The following FRMD3 variants were observed in gnomAD, a reference collection of about 807,000 sequenced individuals.
FRMD3 encodes the protein FERM domain-containing protein 3.
A neutral mutation model predicts 70.2 loss-of-function variants in FRMD3; 33 were observed. The ratio of observed to expected loss-of-function variants is 0.47; its 90% confidence interval spans 0.36 to 0.63. FRMD3 has a LOEUF of 0.63. Among genes scored for constraint, FRMD3 ranks in the 20% least tolerant of loss-of-function variants. The pLI is 0.00. For missense variants in FRMD3, 632 were observed against 711.4 expected, an observed-to-expected ratio of 0.89 and a Z score of 1.27; for synonymous variants, 279 against 255.9, an observed-to-expected ratio of 1.09 and a Z score of -0.86.
intron 1 of FRMD3, among the ~76,000 whole-genome samples, chr9:83,499,908 T>C (rs556646187): frequency 2.0e-4 from 30 of 152,304 alleles, no homozygotes; most frequent in Non-Finnish European, 3.7e-4. Flanking sequence ...CAATGGAATA[T>C]TGTTCAGCAA....
chr9:83,449,769 C>T (rs536318484), intron 1 of FRMD3, among the ~76,000 whole-genome samples: 1 of 152,276 alleles, frequency 6.6e-6, no homozygotes, highest in East Asian at 1.9e-4. Context: ...ATCTCAGAAG[C>T]TCCTATGAAG....
At chr9:83,367,801 G>A (rs979590686) in intron 3 of FRMD3, among the ~76,000 whole-genome samples, 6 of 152,112 alleles carry the variant, frequency 3.9e-5, no homozygotes, top group African/African-American at 1.4e-4. Context: ...GGCTTTTGAG[G>A]AAGAGATCTA....
chr9:83,513,382 A>T (rs1829383139), intron 1 of FRMD3, among the ~76,000 whole-genome samples: 1 of 152,212 alleles, frequency 6.6e-6, no homozygotes, highest in East Asian at 1.9e-4. Context: ...TAGGAAGATG[A>T]TTTACTTTTC....
chr9:83,522,828 G>A (rs1464713901), intron 1 of FRMD3, among the ~76,000 whole-genome samples: 3 of 152,074 alleles, frequency 2.0e-5, no homozygotes, highest in Admixed American at 1.3e-4. Flanking sequence ...CTCCCAAAGC[G>A]CTGGGATTAC....
chr9:83,361,546 T>C (rs1824585313), intron 3 of FRMD3, among the ~76,000 whole-genome samples: 1 of 151,964 alleles, frequency 6.6e-6, no homozygotes, highest in Non-Finnish European at 1.5e-5. Flanking sequence ...CAGAACAACA[T>C]ACACAAAGGG....
intron 13 of FRMD3, among the ~76,000 whole-genome samples, chr9:83,277,367 A>G (rs568227161): frequency 1.3e-5 from 2 of 152,174 alleles, no homozygotes; most frequent in African/African-American, 2.4e-5. Flanking sequence ...TACAATGACT[A>G]TGGTATTTTT....
intron 13 of FRMD3, among the ~76,000 whole-genome samples, chr9:83,273,327 T>C (rs1833675964): frequency 6.6e-6 from 1 of 151,326 alleles, no homozygotes; most frequent in South Asian, 2.1e-4. Context: ...ATCTATAACC[T>C]TACCCCCAAC....
rs373657524 is a variant in FRMD3, at chr9:83,372,446, T to C, written c.295+467A>G. Among the ~76,000 whole-genome samples the C allele has an allele frequency of 1.4e-4, 21 of 152,110 alleles. No individual in the cohort carries two copies. The South Asian group carries it at 3.5e-3, about 26-fold the overall frequency. On this transcript the variant is annotated intron_variant, in intron 3 of 13. Transcript: ENST00000304195. ...CTAGAAGAAAAAATTGTTTTTCATT[T>C]TGGGGAGTTCAAGGAATGGAAAATA...
At chr9:83,284,376 G>A (rs537623445) in intron 13 of FRMD3, among the ~76,000 whole-genome samples, 100 of 152,254 alleles carry the variant, frequency 6.6e-4, no homozygotes, top group Admixed American at 2.6e-3. Flanking sequence ...TTGGGAGGCC[G>A]AGGCGGGCAG....
At chr9:83,393,953 T>G (rs1482080768) in intron 1 of FRMD3, among the ~76,000 whole-genome samples, 1 of 151,602 alleles carries the variant, frequency 6.6e-6, no homozygotes, top group Non-Finnish European at 1.5e-5. Flanking sequence ...GTTGTTGTTT[T>G]TTTTTACAAA....
At chr9:83,504,142 G>T (rs2131517769) in intron 1 of FRMD3, among the ~76,000 whole-genome samples, 1 of 152,232 alleles carries the variant, frequency 6.6e-6, no homozygotes, top group South Asian at 2.1e-4. Context: ...ATCAGCCCTT[G>T]CCAGCTTCCC....
chr9:83,377,969 G>A (rs572376801), intron 2 of FRMD3, among the ~76,000 whole-genome samples: 11 of 152,262 alleles, frequency 7.2e-5, no homozygotes, highest in Admixed American at 6.5e-4. Flanking sequence ...AAACCCAGCT[G>A]AGCACACAGG....
intron 1 of FRMD3, among the ~76,000 whole-genome samples, chr9:83,503,283 A>T (rs1286330281): frequency 6.6e-6 from 1 of 152,204 alleles, no homozygotes; most frequent in Admixed American, 6.5e-5. Flanking sequence ...AAAAGCAGAG[A>T]GCTTTCTCCA....
intron 1 of FRMD3, among the ~76,000 whole-genome samples, chr9:83,485,755 A>G (rs2131486661): frequency 6.6e-6 from 1 of 152,286 alleles, no homozygotes; most frequent in East Asian, 1.9e-4. Flanking sequence ...ACATCTGAAG[A>G]CCCAACTTTC....
At position 83,485,297 on chromosome 9, in the gene FRMD3, G is replaced by A. The variant is rs1034025630; in HGVS notation, c.147+52788C>T. On this transcript the variant is annotated intron_variant, in intron 1 of 13. Coordinates refer to ENST00000304195, the MANE Select transcript of FRMD3 (RefSeq NM_174938.6). ...AAATCAGCTGGTTTGCCTTCAACAC[G>A]AGCATCCATCTCATTAGACCTCAGA... Among the ~76,000 whole-genome samples, 4 of 152,260 alleles carry A rather than the reference G, an allele frequency of 2.6e-5. No homozygotes were observed. In the South Asian group the frequency reaches 6.2e-4, roughly 24 times the overall value.
chr9:83,445,467 G>A (rs1827434457), intron 1 of FRMD3, among the ~76,000 whole-genome samples: 1 of 152,076 alleles, frequency 6.6e-6, no homozygotes, highest in Non-Finnish European at 1.5e-5. Context: ...CACCGGAAGG[G>A]GCCTCTCTTT....
intron 2 of FRMD3, among the ~76,000 whole-genome samples, chr9:83,385,693 A>ATAATTC (rs749285442): frequency 3.3e-5 from 5 of 152,118 alleles, no homozygotes; most frequent in Non-Finnish European, 5.9e-5. Flanking sequence ...TTCTATCCAA[A>ATAATTC]TAATTCATCA....
At position 83,283,550 on chromosome 9, in the gene FRMD3, AATAATAAT is replaced by A. The variant is rs1834066454; in HGVS notation, c.1195+7045_1195+7052del. Reference sequence around the variant, plus strand: ...CATCTCAAAAAAAAAAAAAAAAAATAATAATAATAATAATAATAATAATAATCCAATAG... The same window carrying A: ...CATCTCAAAAAAAAAAAAAAAAAATAAATAATAATAATAATAATCCAATAG... On this transcript the variant is annotated intron_variant, in intron 13 of 13. Transcript: ENST00000304195. 4.2e-3 allele frequency among the ~76,000 whole-genome samples: 48 copies of A among 11,418 alleles called. 1 individual carries two copies. Among genetic ancestry groups the A allele is most frequent in the East Asian group, 0.015 (7 of 460 alleles). 7.5% of individuals were successfully genotyped at this position (11,418 alleles called of 152,430 possible).
intron 1 of FRMD3, among the ~76,000 whole-genome samples, chr9:83,467,113 C>A (rs1046870279): frequency 1.3e-5 from 2 of 152,170 alleles, no homozygotes; most frequent in East Asian, 3.9e-4. Context: ...ATTTGTTAAT[C>A]CTTTGGAAAA....
Sources: allele counts gnomAD v4.1 joint callset (sites outside exome capture counted in the v4.1 genomes callset), GRCh38; gene constraint gnomAD v4.1.1; transcripts MANE v1.5; gene names NCBI Gene and HGNC (gene_info 2026-07-23, HGNC 2026-07-21).